The following SYNJ1 variants were observed in gnomAD, a reference collection of about 807,000 sequenced individuals.
The protein encoded by SYNJ1 is polyphosphatidylinositol phosphatase SYNJ1.
Under a neutral mutation model 168.2 loss-of-function variants are expected in SYNJ1, and 78 were observed. The observed-to-expected ratio is 0.46, with a 90% CI of 0.39 to 0.56. SYNJ1 has a LOEUF of 0.56. SYNJ1 is among the 20% of genes least tolerant of loss of function. The pLI, the probability that SYNJ1 is intolerant of heterozygous loss-of-function variation, is 0.00. For missense variants in SYNJ1, 1,303 were observed against 1,597.6 expected (o/e 0.82, Z 3.14); for synonymous variants, 539 against 548.6 (o/e 0.98, Z 0.24).
At chr21:32,696,759 G>A (rs2042227484) in intron 4 of SYNJ1, among the ~76,000 whole-genome samples, 1 of 152,124 alleles carries the variant, frequency 6.6e-6, no homozygotes, top group Admixed American at 6.5e-5. Context: ...GGCTGCAACA[G>A]AGATAAAAAG....
At chr21:32,674,795 A>C (rs1165744743) in intron 13 of SYNJ1, among the ~76,000 whole-genome samples, 1 of 152,224 alleles carries the variant, frequency 6.6e-6, no homozygotes, top group Non-Finnish European at 1.5e-5. Flanking sequence ...ACCTTTTACC[A>C]CATGATCTTA....
chr21:32,701,914 A>G, intron 3 of SYNJ1, 47 bp downstream of exon 3: 1 of 1,414,150 alleles, frequency 7.1e-7, no homozygotes, highest in Non-Finnish European at 9.6e-7. Flanking sequence ...TAGAATTACA[A>G]AATAGAAATG....
Position 32,667,790 on chromosome 21 carries a change from T to C in SYNJ1, c.1812-1217A>G, listed in dbSNP as rs111333890. Among the ~76,000 whole-genome samples the C allele has an allele frequency of 7.2e-5, 11 of 152,268 alleles. 1 individual carries two copies. The highest frequency in any genetic ancestry group is 2.6e-4 in the African/African-American group (11 of 41,558). On this transcript the variant is annotated intron_variant, in intron 15 of 32. Transcript: ENST00000674351. The stretch of plus-strand genomic sequence containing the variant: ...CTTCCCTGTGTCCCTATAGTTGATC[T>C]CCTTTTCCTCTCTTTTCCATTGCAC...
chr21:32,727,777 T>C, intron 1 of SYNJ1, 169 bp downstream of exon 1: 1 of 1,355,838 alleles, frequency 7.4e-7, no homozygotes, highest in Non-Finnish European at 9.7e-7. Flanking sequence ...GCACAACCAG[T>C]GGTCTGCTCA....
At chr21:32,688,443 C>G (rs1474496697) in intron 6 of SYNJ1, 76 bp from the exon 7 acceptor site, 1 of 1,196,630 alleles carries the variant, frequency 8.4e-7, no homozygotes, top group Non-Finnish European at 1.2e-6. Flanking sequence ...CTTACAATAT[C>G]TAACAATTTC....
intron 2 of SYNJ1, among the ~76,000 whole-genome samples, chr21:32,725,340 T>C (rs1029224589): frequency 1.3e-5 from 2 of 152,184 alleles, no homozygotes; most frequent in African/African-American, 4.8e-5. Context: ...ATTCCACTTG[T>C]AGTAAAAAAT....
Position 32,631,015 on chromosome 21 carries a change from G to C in SYNJ1, c.*790C>G. 6.2e-7 allele frequency: 1 copy of C among 1,613,804 alleles called. No homozygotes were observed. The highest frequency in any genetic ancestry group is 8.5e-7 in the Non-Finnish European group (1 of 1,179,822). ...TGGCGTTATCTTTCTGTAAAGTCCA[G>C]TGTGGGTGAAGCCTTAGAGGCCAAG... On this transcript the variant is annotated 3_prime_UTR_variant, in exon 33 of 33. Transcript: ENST00000674351.
intron 6 of SYNJ1, among the ~76,000 whole-genome samples, chr21:32,690,369 G>A (rs759257028): frequency 6.6e-6 from 1 of 152,082 alleles, no homozygotes; most frequent in Admixed American, 6.6e-5. Flanking sequence ...CACCATGCCC[G>A]AATGATTTTT....
intron 21 of SYNJ1, among the ~76,000 whole-genome samples, chr21:32,654,793 A>G (rs948001362): frequency 1.3e-5 from 2 of 152,218 alleles, no homozygotes; most frequent in African/African-American, 4.8e-5. Flanking sequence ...AAGCATCTAT[A>G]TGTATTTAAA....
At chr21:32,727,331 C>A (rs1327349944) in intron 1 of SYNJ1, among the ~76,000 whole-genome samples, 2 of 152,054 alleles carry the variant, frequency 1.3e-5, no homozygotes, top group Non-Finnish European at 2.9e-5. Flanking sequence ...GTGAAAGGAG[C>A]GGAGGTGGGA....
At chr21:32,637,489 A>C (rs189003642) in intron 31 of SYNJ1, among the ~76,000 whole-genome samples, 1 of 146,576 alleles carries the variant, frequency 6.8e-6, no homozygotes, top group East Asian at 2.0e-4. Flanking sequence ...GCTCACTGCA[A>C]CCTCCACCTC....
chr21:32,642,451 C>T (rs2039883482), intron 27 of SYNJ1, among the ~76,000 whole-genome samples: 1 of 152,102 alleles, frequency 6.6e-6, no homozygotes, highest in African/African-American at 2.4e-5. Flanking sequence ...TGAAAACATA[C>T]AGTCAGCTGT....
intron 10 of SYNJ1, among the ~76,000 whole-genome samples, chr21:32,683,823 G>GATAGAGAGCT (rs1249612123): frequency 6.6e-6 from 1 of 151,916 alleles, no homozygotes; most frequent in Non-Finnish European, 1.5e-5. Flanking sequence ...AACAGAAGTA[G>GATAGAGAGCT]ATAGAGAGCT....
intron 32 of SYNJ1, among the ~76,000 whole-genome samples, chr21:32,633,755 T>C (rs1351041439): frequency 6.6e-6 from 1 of 152,212 alleles, no homozygotes; most frequent in Non-Finnish European, 1.5e-5. Context: ...ATGACTTAAG[T>C]GAATAACTTT....
At chr21:32,702,461 C>T (rs988258018) in intron 2 of SYNJ1, among the ~76,000 whole-genome samples, 1 of 152,054 alleles carries the variant, frequency 6.6e-6, no homozygotes, top group African/African-American at 2.4e-5. Flanking sequence ...ATAAAGTTAA[C>T]GTTACCTTGT....
chr21:32,643,259 C>T lies in SYNJ1; in HGVS notation c.3478+151G>A. ...CATAGAATGAAGAGAGGAAAAAATA[C>T]AAGGTATACATAAGGAGGGGAAAGA... is the stretch of plus-strand genomic sequence containing the variant. On this transcript the variant is annotated intron_variant, in intron 27 of 32. Transcript: ENST00000674351. The T allele has an allele frequency of 5.7e-6, 4 of 701,062 alleles. No homozygotes were observed. The East Asian group carries it at 1.1e-4, about 19-fold the overall frequency. The allele number at this position is 701,062 out of a possible 1,614,324, so 43.4% of individuals were successfully genotyped here.
intron 6 of SYNJ1, among the ~76,000 whole-genome samples, chr21:32,693,916 T>C (rs2042114701): frequency 6.6e-6 from 1 of 152,144 alleles, no homozygotes; most frequent in Non-Finnish European, 1.5e-5. Context: ...GACTAAATCA[T>C]TATATACTAA....
chr21:32,690,580 A>G (rs775315400), intron 6 of SYNJ1, among the ~76,000 whole-genome samples: 4 of 152,160 alleles, frequency 2.6e-5, no homozygotes, highest in Non-Finnish European at 4.4e-5. Flanking sequence ...TTAAATAACC[A>G]TAACTTTACC....
rs540183181 is a variant in SYNJ1 at position 32,684,056 on chromosome 21, C to T, written c.1182G>A (p.Gln394=). Residue 394 remains glutamine (Q), a synonymous_variant, in exon 10 of 33, where the codon CAG becomes CAA. Transcript: ENST00000674351. ...LDCLDRTNSV[Q]AFLGLEMLAK... ...CTTTTACCTCTAAGCCAAGAAATGC[C>T]TGCACACTATTTGTTCTATCAAGAC... is the stretch of plus-strand genomic sequence containing the variant. The T allele has an allele frequency of 4.2e-5, 67 of 1,613,556 alleles. 1 individual carries two copies. The South Asian group carries it at 6.0e-4, about 15-fold the overall frequency.
Sources: allele counts gnomAD v4.1 joint callset (sites outside exome capture counted in the v4.1 genomes callset), GRCh38; gene constraint gnomAD v4.1.1; transcripts MANE v1.5; gene names NCBI Gene and HGNC (gene_info 2026-07-23, HGNC 2026-07-21).